Variants in IGF2 observed in about 807,000 individuals in gnomAD.
The protein encoded by IGF2 is insulin like growth factor 2.
In IGF2, 2 loss-of-function variants were observed where a neutral mutation model predicts 12.0. That is an observed-to-expected ratio of 0.17 (90% CI 0.07 to 0.52). IGF2 has a LOEUF of 0.52. IGF2 is among the 20% of genes least tolerant of loss of function. The pLI, the probability that IGF2 is intolerant of heterozygous loss-of-function variation, is 0.95. For missense variants in IGF2, 211 were observed against 268.0 expected (o/e 0.79, Z 1.48); for synonymous variants, 105 against 110.1 (o/e 0.95, Z 0.29).
chr11:2,137,341 G>A lies in IGF2; in HGVS notation c.-7+888C>T, dbSNP rs952163772. On this transcript the variant is annotated intron_variant, in intron 1 of 3. Coordinates refer to ENST00000416167, the MANE Select transcript of IGF2 (RefSeq NM_000612.6). ...TGTGTGAGCCGACTCCTCCCAGCCCGGGCTCCACCCTACCCCCCACCCCTC... is the reference window on the plus strand; with the variant it reads ...TGTGTGAGCCGACTCCTCCCAGCCCAGGCTCCACCCTACCCCCCACCCCTC... 16 of 807,610 alleles carry A rather than the reference G, an allele frequency of 2.0e-5. No individual in the cohort carries two copies. In the Admixed American group the frequency reaches 7.5e-4, roughly 38 times the overall value. 50.0% of individuals were successfully genotyped at this position (807,610 alleles called of 1,614,324 possible).
chr11:2,131,731 T>C lies in IGF2; in HGVS notation c.*1256A>G. The C allele has an allele frequency of 4.8e-6, 1 of 208,040 alleles. No individual in the cohort carries two copies. Among genetic ancestry groups the C allele is most frequent in the Non-Finnish European group, 9.5e-6 (1 of 104,910 alleles). 12.9% of individuals were successfully genotyped at this position (208,040 alleles called of 1,614,324 possible). On this transcript the variant is annotated 3_prime_UTR_variant, in exon 4 of 4. Transcript: ENST00000416167. ...GTGTGCTGTGTTCGTGTGTGCTGTG[T>C]TCGCGTGTGTGTGCTGTGTGTGCAT...
chr11:2,146,732 C>A, the IGF2 span: 1 of 277,390 alleles, frequency 3.6e-6, no homozygotes, highest in Non-Finnish European at 7.2e-6. Flanking sequence ...CTGCTGGATC[C>A]CTCCCTGCAG....
At chr11:2,140,071 C>T (rs993943129), upstream of IGF2, 2 of 1,539,018 alleles carry the variant, frequency 1.3e-6, no homozygotes, top group Admixed American at 3.5e-5. Flanking sequence ...AGGCTTGGAG[C>T]CTACGGAGGC....
chr11:2,139,039 GGGGGGAGGGCTGGA>G lies in IGF2; in HGVS notation c.-831_-818del. The G allele has an allele frequency of 1.2e-5, 10 of 833,008 alleles. No homozygotes were observed. Among genetic ancestry groups the G allele is most frequent in the Non-Finnish European group, 1.3e-5 (9 of 700,662 alleles). The allele number at this position is 833,008 out of a possible 1,614,324, so 51.6% of individuals were successfully genotyped here. Reference sequence around the variant, plus strand: ...GGGGAGCGGCCCGAGGCTGCGCGCCGGGGGGAGGGCTGGAGGGGGAGCGCGGGGGGGGGTGACAA... The same window carrying G: ...GGGGAGCGGCCCGAGGCTGCGCGCCGGGGGGAGCGCGGGGGGGGGTGACAA... On this transcript the variant is annotated 5_prime_UTR_variant, in exon 1 of 4. Transcript: ENST00000416167.
chr11:2,149,457 G>A, the IGF2 span: 121 of 919,660 alleles, frequency 1.3e-4, 1 homozygote, highest in Non-Finnish European at 1.9e-4. Flanking sequence ...CTGAAATGAT[G>A]GGTTTACCCC....
At chr11:2,137,498 AC>A (rs1190197136) in intron 1 of IGF2, among the ~76,000 whole-genome samples, 33 of 138,004 alleles carry the variant, frequency 2.4e-4, no homozygotes, top group Admixed American at 5.1e-4. Flanking sequence ...CCCATCCTGC[AC>A]CCCCGGCTCA....
upstream of IGF2, chr11:2,140,003 A>G (rs1859447237): frequency 1.3e-6 from 1 of 779,052 alleles, no homozygotes; most frequent in Admixed American, 4.1e-5. Flanking sequence ...GGAGCCCCGG[A>G]GCCCCCGCCA....
chr11:2,135,322 C>T (rs764254849), intron 2 of IGF2, 45 bp downstream of exon 2: 1 of 1,538,750 alleles, frequency 6.5e-7, no homozygotes, highest in South Asian at 1.2e-5. Flanking sequence ...ACCGGTCACT[C>T]TAGGGGCCTG....
chr11:2,140,431 C>G, upstream of IGF2: 1 of 791,154 alleles, frequency 1.3e-6, no homozygotes, highest in South Asian at 1.8e-5. Context: ...GGCGGAATCT[C>G]GCGCCCCCCT....
At chr11:2,138,127 G>T in intron 1 of IGF2, 102 bp downstream of exon 1, 1 of 741,230 alleles carries the variant, frequency 1.3e-6, no homozygotes, top group Non-Finnish European at 1.6e-6. Context: ...GCCGAGCCCC[G>T]CAGGCCCCGG....
At chr11:2,135,570 C>T in intron 1 of IGF2, 41 bp from the exon 2 acceptor site, 1 of 1,584,704 alleles carries the variant, frequency 6.3e-7, no homozygotes, top group East Asian at 2.3e-5. Context: ...GGCAGCCAGG[C>T]CAAGCCCCAG....
At chr11:2,149,373 T>C in the IGF2 span, 1 of 1,588,792 alleles carries the variant, frequency 6.3e-7, no homozygotes. Flanking sequence ...ACTTTTAGAG[T>C]GTGCATGTTA....
Position 2,135,425 on chromosome 11 carries a change from G to A in IGF2, c.99C>T (p.Cys33=), listed in dbSNP as rs553443857. ...GGAGGGTGTCCACCAGCTCCCCGCC[G>A]CACAGGGTCTCACTGGGGCGGTAAG... ...IAAYRPSETL[C]GGELVDTLQF... The change falls in exon 2 of 4, where the codon TGC becomes TGT. Residue 33 remains cysteine, a synonymous_variant. Transcript: ENST00000416167. 3.7e-5 allele frequency: 60 copies of A among 1,613,662 alleles called. 1 individual carries two copies. The South Asian group carries it at 5.2e-4, about 14-fold the overall frequency.
upstream of IGF2, chr11:2,140,251 C>T (rs766960611): frequency 6.2e-7 from 1 of 1,613,118 alleles, no homozygotes; most frequent in Admixed American, 1.7e-5. Flanking sequence ...GACGCGAGTT[C>T]GGTCTCGGGG....
the IGF2 span, chr11:2,146,314 T>C: frequency 1.9e-6 from 1 of 535,922 alleles, no homozygotes; most frequent in South Asian, 1.4e-5. Flanking sequence ...CCAGCTCCTT[T>C]CTCCAAGGGT....
the IGF2 span, chr11:2,149,048 C>T: frequency 2.9e-6 from 4 of 1,370,818 alleles, no homozygotes; most frequent in Non-Finnish European, 4.1e-6. Flanking sequence ...GCAGCTGCCC[C>T]AAGCTCCCGG....
chr11:2,144,834 G>A (rs936269047), upstream of IGF2, among the ~76,000 whole-genome samples: 14 of 152,076 alleles, frequency 9.2e-5, no homozygotes, highest in Admixed American at 2.6e-4. Context: ...GGATCCTGGG[G>A]CAACTACAGT....
upstream of IGF2, among the ~76,000 whole-genome samples, chr11:2,139,590 C>T (rs1346096583): frequency 1.2e-4 from 11 of 91,238 alleles, no homozygotes; most frequent in South Asian, 4.3e-3. Context: ...GGGGGGGCGG[C>T]GGTCGCAGGG....
At chr11:2,135,163 G>A (rs966561403) in intron 2 of IGF2, among the ~76,000 whole-genome samples, 2 of 152,214 alleles carry the variant, frequency 1.3e-5, no homozygotes, top group African/African-American at 4.8e-5. Context: ...ACCCTTCGAA[G>A]GAGGCGTGTG....
Sources: gnomAD v4.1 joint callset for allele counts (sites outside exome capture counted in the v4.1 genomes callset) on GRCh38, gnomAD v4.1.1 for gene constraint, MANE v1.5 for transcripts, NCBI Gene and HGNC (gene_info 2026-07-23, HGNC 2026-07-21) for gene names.